APPL2: variants seen among roughly 807,000 people sequenced by gnomAD.
The protein encoded by APPL2 is adaptor protein, phosphotyrosine interacting with PH domain and leucine zipper 2.
Under a neutral mutation model 92.7 loss-of-function variants are expected in APPL2, and 84 were observed. The observed-to-expected ratio is 0.91, with a 90% CI of 0.76 to 1.09. APPL2 has a LOEUF of 1.09. Ranked by LOEUF, APPL2 falls within the 50% of genes least tolerant of loss-of-function variation. The probability of loss-of-function intolerance (pLI) is 0.00; values close to 1 mark genes in which losing one functional copy is unlikely to be tolerated. For missense variants in APPL2, 736 were observed against 824.5 expected (o/e 0.89, Z 1.31); for synonymous variants, 291 against 291.0 (o/e 1.00, Z 0.00).
rs1166164016 is a variant in APPL2, at chr12:105,190,044, T to C, written c.1353A>G (p.Gln451=). The change falls in exon 15 of 21, where the codon CAA becomes CAG. Residue 451 remains glutamine (Q), a synonymous_variant. Coordinates refer to ENST00000258530, the MANE Select transcript of APPL2 (RefSeq NM_018171.5). ...EELIAPGTPI[Q]FDIVLPATEF... The stretch of plus-strand genomic sequence containing the variant: ...CTGTAGCAGGAAGCACAATATCGAA[T>C]TGAATCGGCGTTCCAGGCGCGATCA... 4 of 1,614,098 alleles carry C rather than the reference T, an allele frequency of 2.5e-6. No homozygotes were observed. The highest frequency in any genetic ancestry group is 1.1e-5 in the South Asian group (1 of 91,086).
chr12:105,212,344 G>A (rs2136027482), intron 4 of APPL2, among the ~76,000 whole-genome samples: 1 of 152,224 alleles, frequency 6.6e-6, no homozygotes, highest in African/African-American at 2.4e-5. Context: ...ATCCCTATCA[G>A]TGCATTTTTG....
intron 20 of APPL2, among the ~76,000 whole-genome samples, chr12:105,175,774 G>GGA (rs1555245126): frequency 2.0e-5 from 3 of 152,174 alleles, no homozygotes; most frequent in African/African-American, 7.2e-5. Context: ...TAATCTGAAA[G>GGA]AGGAAATCTA....
At chr12:105,200,864 G>GTATCTATC (rs202172435) in intron 9 of APPL2, among the ~76,000 whole-genome samples, 5,896 of 134,860 alleles carry the variant, frequency 0.044, 204 homozygotes, top group Non-Finnish European at 0.068. Flanking sequence ...ATGTATGTAT[G>GTATCTATC]TATCTATCTA....
intron 20 of APPL2, among the ~76,000 whole-genome samples, chr12:105,174,842 A>G (rs917314364): frequency 7.4e-6 from 1 of 135,572 alleles, no homozygotes; most frequent in Non-Finnish European, 1.5e-5. Flanking sequence ...CCATTTATTT[A>G]CATACTGTCC....
chr12:105,221,269 C>G (rs182136153), intron 2 of APPL2, among the ~76,000 whole-genome samples: 1 of 152,196 alleles, frequency 6.6e-6, no homozygotes, highest in Non-Finnish European at 1.5e-5. Flanking sequence ...AAGATAGCTG[C>G]TAACCCTGAG....
chr12:105,214,864 G>A (rs1889543346), intron 4 of APPL2, among the ~76,000 whole-genome samples: 1 of 152,194 alleles, frequency 6.6e-6, no homozygotes, highest in South Asian at 2.1e-4. Flanking sequence ...GAGAGCTGGA[G>A]GTTGATCACA....
At chr12:105,233,376 G>A (rs1413371647) in intron 1 of APPL2, 1 of 985,448 alleles carries the variant, frequency 1.0e-6, no homozygotes. Flanking sequence ...CAGAAATAAC[G>A]CATGTGTATG....
At position 105,173,341 on chromosome 12, in the gene APPL2, G is replaced by GATAGATA. The variant is rs1555243950; in HGVS notation, c.*972_*973insTATCTAT. The GATAGATA allele has an allele frequency of 1.3e-5, 2 of 152,280 alleles. No homozygotes were observed. Among genetic ancestry groups the GATAGATA allele is most frequent in the Non-Finnish European group, 2.9e-5 (2 of 68,014 alleles). 9.4% of individuals were successfully genotyped at this position (152,280 alleles called of 1,614,324 possible). ...TATTGCTAGGTTAATTTATTACAAA[G>GATAGATA]ATAATAATAGTCTGTTGAACTTAGT... is the stretch of plus-strand genomic sequence containing the variant. On this transcript the variant is annotated 3_prime_UTR_variant, in exon 21 of 21. Coordinates refer to ENST00000258530, the MANE Select transcript of APPL2 (RefSeq NM_018171.5).
intron 17 of APPL2, among the ~76,000 whole-genome samples, chr12:105,182,136 C>T (rs1482078352): frequency 1.3e-5 from 2 of 152,194 alleles, no homozygotes; most frequent in South Asian, 4.1e-4. Flanking sequence ...AGTGATTCTC[C>T]TGCTCCAGCC....
chr12:105,195,415 A>G (rs529863663), intron 13 of APPL2, 30 bp downstream of exon 13: 1 of 1,614,122 alleles, frequency 6.2e-7, no homozygotes, highest in South Asian at 1.1e-5. Context: ...GGTTGAGAAA[A>G]GGGCTGAGAT....
In APPL2 at chr12:105,203,010, T is replaced by TACACACACAC. The variant is rs3838812; in HGVS notation, c.704+683_704+692dup. ...ATTTCCATTTTGTCTATTTGTCAAC[T>TACACACACAC]ACACACACACACACACACACACACA... On this transcript the variant is annotated intron_variant, in intron 9 of 20. Coordinates refer to ENST00000258530, the MANE Select transcript of APPL2 (RefSeq NM_018171.5). Among the ~76,000 whole-genome samples the TACACACACAC allele has an allele frequency of 1.2e-3, 181 of 146,072 alleles. 2 individuals carry two copies. The East Asian group carries it at 0.017, about 14-fold the overall frequency.
intron 2 of APPL2, among the ~76,000 whole-genome samples, chr12:105,218,013 T>C (rs557089505): frequency 2.0e-5 from 3 of 152,200 alleles, no homozygotes; most frequent in South Asian, 4.2e-4. Context: ...GAGGCTAAGA[T>C]GGGAGGACCC....
chr12:105,222,181 G>A (rs745561552), intron 2 of APPL2, among the ~76,000 whole-genome samples: 6 of 151,776 alleles, frequency 4.0e-5, no homozygotes, highest in South Asian at 2.1e-4. Flanking sequence ...GGCAGGCCAC[G>A]GGGGGATGCC....
At chr12:105,222,399 G>A (rs1202663903) in intron 2 of APPL2, among the ~76,000 whole-genome samples, 1 of 152,182 alleles carries the variant, frequency 6.6e-6, no homozygotes, top group East Asian at 1.9e-4. Context: ...GCCTGAGGCA[G>A]ACAGTGCAGA....
At chr12:105,217,307 C>T (rs1592822989) in intron 3 of APPL2, among the ~76,000 whole-genome samples, 167 bp from the exon 4 acceptor site, 2 of 152,320 alleles carry the variant, frequency 1.3e-5, no homozygotes, top group African/African-American at 2.4e-5. Context: ...TCCCCTTTGT[C>T]CTGCCCCCAG....
intron 14 of APPL2, among the ~76,000 whole-genome samples, chr12:105,193,285 C>T (rs1887380490): frequency 6.6e-6 from 1 of 152,148 alleles, no homozygotes; most frequent in Non-Finnish European, 1.5e-5. Flanking sequence ...TTCCAAACCC[C>T]CCTAAACTAT....
intron 20 of APPL2, among the ~76,000 whole-genome samples, chr12:105,175,009 G>A (rs1036568493): frequency 6.6e-6 from 1 of 151,976 alleles, no homozygotes; most frequent in African/African-American, 2.4e-5. Context: ...TCAGTCTCCC[G>A]AGTAGCTGGG....
At chr12:105,220,593 C>T (rs759914278) in intron 2 of APPL2, among the ~76,000 whole-genome samples, 2 of 152,188 alleles carry the variant, frequency 1.3e-5, no homozygotes, top group Non-Finnish European at 2.9e-5. Context: ...GTTACTTCCC[C>T]ATATATGCCT....
At chr12:105,208,981 C>T (rs956313965) in intron 5 of APPL2, among the ~76,000 whole-genome samples, 12 of 152,220 alleles carry the variant, frequency 7.9e-5, no homozygotes, top group South Asian at 4.1e-4. Context: ...TGCCTCCAAA[C>T]TGCCTCCAGC....
Sources: allele counts gnomAD v4.1 joint callset (sites outside exome capture counted in the v4.1 genomes callset), GRCh38; gene constraint gnomAD v4.1.1; transcripts MANE v1.5; gene names NCBI Gene and HGNC (gene_info 2026-07-23, HGNC 2026-07-21).